The following PLCL2 variants were observed in gnomAD, a reference collection of about 807,000 sequenced individuals.
PLCL2 encodes inactive phospholipase C-like protein 2.
Under a neutral mutation model 79.6 loss-of-function variants are expected in PLCL2, and 4 were observed. That is an observed-to-expected ratio of 0.05 (90% CI 0.02 to 0.11). The LOEUF is 0.11. Ranked by LOEUF, PLCL2 falls within the 10% of genes least tolerant of loss-of-function variation. PLCL2 has a pLI of 1.00. For synonymous variants in PLCL2, 484 were observed against 457.7 expected (o/e 1.06, Z -0.73); for missense variants, 895 against 1,291.0 (o/e 0.69, Z 4.70).
intron 1 of PLCL2, among the ~76,000 whole-genome samples, chr3:16,944,053 A>G (rs1028776355): frequency 1.3e-5 from 2 of 152,228 alleles, no homozygotes; most frequent in African/African-American, 4.8e-5. Context: ...TTGTAATCAC[A>G]GTGCAGGGAT....
intron 1 of PLCL2, among the ~76,000 whole-genome samples, chr3:16,938,683 T>G (rs115202700): frequency 0.011 from 1,732 of 152,346 alleles, 30 homozygotes; most frequent in Admixed American, 0.045. Flanking sequence ...CAGGATGTCA[T>G]AGCTGGAAGC....
At chr3:16,955,364 T>C (rs907940693) in intron 1 of PLCL2, among the ~76,000 whole-genome samples, 1 of 152,162 alleles carries the variant, frequency 6.6e-6, no homozygotes, top group Non-Finnish European at 1.5e-5. Context: ...TTCTGAGGGC[T>C]CTGTTCTGTT....
intron 1 of PLCL2, among the ~76,000 whole-genome samples, chr3:16,979,154 G>A (rs1163117309): frequency 1.3e-5 from 2 of 152,028 alleles, no homozygotes; most frequent in Non-Finnish European, 2.9e-5. Flanking sequence ...TGTGACTTAC[G>A]TATTATAGGC....
intron 1 of PLCL2, among the ~76,000 whole-genome samples, chr3:16,967,942 T>C (rs1575559693): frequency 6.6e-6 from 1 of 152,036 alleles, no homozygotes; most frequent in Non-Finnish European, 1.5e-5. Context: ...TTTTTGCATA[T>C]GGTATAAGGA....
chr3:16,925,478 A>G (rs1194095744), intron 1 of PLCL2, among the ~76,000 whole-genome samples: 2 of 152,194 alleles, frequency 1.3e-5, no homozygotes, highest in African/African-American at 4.8e-5. Flanking sequence ...TAGTTATGCA[A>G]CCATTACCAC....
intron 1 of PLCL2, among the ~76,000 whole-genome samples, chr3:17,001,266 G>A (rs891458947): frequency 6.6e-6 from 1 of 151,584 alleles, no homozygotes; most frequent in Non-Finnish European, 1.5e-5. Flanking sequence ...TTTTGCTGCT[G>A]TTATTAATGC....
intron 1 of PLCL2, among the ~76,000 whole-genome samples, chr3:16,981,150 G>GGGAGA (rs2063992768): frequency 2.0e-5 from 3 of 150,546 alleles, no homozygotes; most frequent in African/African-American, 4.9e-5. Context: ...GGGAGACTCG[G>GGGAGA]GGGAGAGGGA....
At chr3:17,086,681 A>C (rs1046582932) in intron 5 of PLCL2, among the ~76,000 whole-genome samples, 3 of 152,206 alleles carry the variant, frequency 2.0e-5, no homozygotes, top group African/African-American at 7.2e-5. Flanking sequence ...CAAAGGACAC[A>C]CCTGATAAAG....
chr3:16,994,243 T>G (rs2064130865), intron 1 of PLCL2, among the ~76,000 whole-genome samples: 1 of 152,232 alleles, frequency 6.6e-6, no homozygotes, highest in South Asian at 2.1e-4. Flanking sequence ...AACTGGACCT[T>G]CTGCAGTCCA....
intron 1 of PLCL2, among the ~76,000 whole-genome samples, chr3:16,962,792 G>A (rs6775782): frequency 0.43 from 65,516 of 151,912 alleles, 15,131 homozygotes; most frequent in African/African-American, 0.59. Flanking sequence ...TCAAAGTATT[G>A]AAATCTCCTT....
At position 17,064,984 on chromosome 3, in the gene PLCL2, A is replaced by G. The variant is rs1014330927; in HGVS notation, c.3095-2972A>G. On this transcript the variant is annotated intron_variant, in intron 4 of 5. Transcript: ENST00000615277. ...AAGAAACAGATGTGTTATGCAGCAAATCAAATAATTAAATAAATGACAATG... is the reference window on the plus strand; with the variant it reads ...AAGAAACAGATGTGTTATGCAGCAAGTCAAATAATTAAATAAATGACAATG... Among the ~76,000 whole-genome samples the G allele has an allele frequency of 3.3e-5, 5 of 151,896 alleles. No homozygotes were observed. In the South Asian group the frequency reaches 1.0e-3, roughly 31 times the overall value.
intron 4 of PLCL2, among the ~76,000 whole-genome samples, chr3:17,063,084 T>C (rs2124939261): frequency 6.6e-6 from 1 of 151,866 alleles, no homozygotes; most frequent in South Asian, 2.1e-4. Context: ...TTTCTAAATA[T>C]GACCTTCTAA....
At chr3:17,067,811 T>G (rs1385751239) in intron 4 of PLCL2, 145 bp from the exon 5 acceptor site, 3 of 522,060 alleles carry the variant, frequency 5.7e-6, no homozygotes, top group East Asian at 3.2e-5. Context: ...TTTGTCCCCA[T>G]TATTACATTC....
At chr3:16,942,026 G>T (rs1224150629) in intron 1 of PLCL2, among the ~76,000 whole-genome samples, 1 of 152,132 alleles carries the variant, frequency 6.6e-6, no homozygotes, top group Middle Eastern at 3.2e-3. Context: ...CTTGTTAAAT[G>T]GAATCTGCTA....
chr3:16,985,346 G>A (rs1394787470), intron 1 of PLCL2, among the ~76,000 whole-genome samples: 1 of 152,012 alleles, frequency 6.6e-6, no homozygotes, highest in Non-Finnish European at 1.5e-5. Context: ...GGCCCACAAC[G>A]CTTAATCATT....
At chr3:17,065,344 A>G (rs1043803997) in intron 4 of PLCL2, among the ~76,000 whole-genome samples, 1 of 152,164 alleles carries the variant, frequency 6.6e-6, no homozygotes, top group Non-Finnish European at 1.5e-5. Flanking sequence ...TGCATCTTCA[A>G]GTCCCCAATC....
intron 5 of PLCL2, among the ~76,000 whole-genome samples, chr3:17,073,753 T>G (rs2065084178): frequency 6.6e-6 from 1 of 152,248 alleles, no homozygotes; most frequent in Non-Finnish European, 1.5e-5. Flanking sequence ...AGATTCCATC[T>G]CAAGAAACCA....
At chr3:17,044,689 A>G (rs189959532) in intron 4 of PLCL2, among the ~76,000 whole-genome samples, 4 of 152,312 alleles carry the variant, frequency 2.6e-5, no homozygotes, top group African/African-American at 9.6e-5. Context: ...ATTTGATTCC[A>G]TTCAATGCAT....
intron 1 of PLCL2, among the ~76,000 whole-genome samples, chr3:16,962,909 C>G (rs985826440): frequency 6.6e-6 from 1 of 152,062 alleles, no homozygotes; most frequent in Non-Finnish European, 1.5e-5. Flanking sequence ...AATACATAAA[C>G]ACACTTGCAA....
Sources: gnomAD v4.1 joint callset for allele counts (sites outside exome capture counted in the v4.1 genomes callset) on GRCh38, gnomAD v4.1.1 for gene constraint, MANE v1.5 for transcripts, NCBI Gene and HGNC (gene_info 2026-07-23, HGNC 2026-07-21) for gene names.